SLC24A2: variants seen among roughly 807,000 people sequenced by gnomAD.
SLC24A2 encodes the protein solute carrier family 24 member 2.
SLC24A2 carries 36 observed loss-of-function variants against 62.0 expected under a neutral mutation model. The observed-to-expected ratio is 0.58, with a 90% CI of 0.44 to 0.77. SLC24A2 has a LOEUF of 0.77. Among genes scored for constraint, SLC24A2 ranks in the 30% least tolerant of loss-of-function variants. The pLI is 0.00. For missense variants in SLC24A2, 846 were observed against 817.9 expected (o/e 1.03, Z -0.42); for synonymous variants, 358 against 294.0 (o/e 1.22, Z -2.23).
chr9:20,146,987 T>G, the SLC24A2 span, among the ~76,000 whole-genome samples: 1 of 152,120 alleles, frequency 6.6e-6, no homozygotes, highest in Non-Finnish European at 1.5e-5. Flanking sequence ...CTTGATAGCA[T>G]GTGATGATAG....
At chr9:19,581,318 T>G (rs897658060) in intron 5 of SLC24A2, among the ~76,000 whole-genome samples, 2 of 152,124 alleles carry the variant, frequency 1.3e-5, no homozygotes, top group Non-Finnish European at 2.9e-5. Context: ...TCTGCAATCT[T>G]AAAATGGGGA....
chr9:19,598,901 A>G (rs2132904695), intron 4 of SLC24A2, among the ~76,000 whole-genome samples: 1 of 152,260 alleles, frequency 6.6e-6, no homozygotes, highest in Admixed American at 6.5e-5. Flanking sequence ...CTGTTTTGTG[A>G]CCTCTCTTCC....
At chr9:20,011,132 G>T in the SLC24A2 span, among the ~76,000 whole-genome samples, 1 of 152,094 alleles carries the variant, frequency 6.6e-6, no homozygotes, top group African/African-American at 2.4e-5. Context: ...TCCAGTAATG[G>T]GATGGCTGGG....
chr9:19,837,309 G>A, the SLC24A2 span, among the ~76,000 whole-genome samples: 62 of 150,910 alleles, frequency 4.1e-4, no homozygotes, highest in Middle Eastern at 0.014. Flanking sequence ...AAAATTAGCC[G>A]GGTGCGGTGG....
chr9:20,009,383 C>CAA, the SLC24A2 span, among the ~76,000 whole-genome samples: 525 of 111,980 alleles, frequency 4.7e-3, 4 homozygotes, highest in African/African-American at 0.015. Context: ...AACTCTGTCT[C>CAA]AAAAAAAAAA....
At chr9:20,256,811 T>C in the SLC24A2 span, among the ~76,000 whole-genome samples, 1 of 152,224 alleles carries the variant, frequency 6.6e-6, no homozygotes, top group African/African-American at 2.4e-5. Context: ...CTTGTAGTTC[T>C]TTTTACTCTT....
intron 2 of SLC24A2, among the ~76,000 whole-genome samples, chr9:19,636,322 T>TTCTTTTCTTTTCCTTTCTTTTC: frequency 3.3e-5 from 1 of 30,570 alleles, no homozygotes; most frequent in Admixed American, 3.3e-4. Context: ...TTCTTTTCTT[T>TTCTTTTCTTTTCCTTTCTTTTC]CTTTCTTTCT....
In SLC24A2 at chr9:19,539,446, C is replaced by G. The variant is rs566254873; in HGVS notation, c.1479+10691G>C. On this transcript the variant is annotated intron_variant, in intron 8 of 10. Coordinates refer to ENST00000341998, the MANE Select transcript of SLC24A2 (RefSeq NM_020344.4). The stretch of plus-strand genomic sequence containing the variant: ...TTTCGAAGAACATCTTTATTTCTGC[C>G]TTCATTTCATTATGTACCCAGTAGT... Among the ~76,000 whole-genome samples, 8 of 151,804 alleles carry G rather than the reference C, an allele frequency of 5.3e-5. No individual in the cohort carries two copies. In the South Asian group the frequency reaches 1.5e-3, roughly 28 times the overall value.
chr9:19,683,496 A>G (rs1819783486), intron 2 of SLC24A2, among the ~76,000 whole-genome samples: 1 of 150,592 alleles, frequency 6.6e-6, no homozygotes, highest in African/African-American at 2.4e-5. Flanking sequence ...GGTGATCTTC[A>G]TTTCACATTC....
At chr9:20,290,000 C>T in the SLC24A2 span, among the ~76,000 whole-genome samples, 1 of 152,202 alleles carries the variant, frequency 6.6e-6, no homozygotes, top group South Asian at 2.1e-4. Flanking sequence ...GGGATGCGCA[C>T]TCCTTAAGGA....
chr9:19,805,791 T>G, the SLC24A2 span, among the ~76,000 whole-genome samples: 1 of 151,056 alleles, frequency 6.6e-6, no homozygotes, highest in Admixed American at 6.6e-5. Flanking sequence ...TAGATTCTGG[T>G]TTTGTGTGGC....
chr9:20,265,676 AC>A, the SLC24A2 span, among the ~76,000 whole-genome samples: 1 of 152,344 alleles, frequency 6.6e-6, no homozygotes, highest in East Asian at 1.9e-4. Flanking sequence ...AAATCTGGGC[AC>A]CTTCAAAAAA....
At chr9:20,094,297 C>A in the SLC24A2 span, among the ~76,000 whole-genome samples, 24 of 152,084 alleles carry the variant, frequency 1.6e-4, no homozygotes, top group Admixed American at 1.5e-3. Context: ...TCTGGAAAAC[C>A]CTTTTTTACT....
intron 2 of SLC24A2, among the ~76,000 whole-genome samples, chr9:19,759,793 C>T (rs1335454532): frequency 2.0e-5 from 3 of 152,108 alleles, no homozygotes; most frequent in African/African-American, 2.4e-5. Context: ...TCTATGTTTC[C>T]ACCATAAACC....
rs1311686788 is a variant in SLC24A2 at position 19,521,991 on chromosome 9, T to C, written c.1570-931A>G. On this transcript the variant is annotated intron_variant, in intron 9 of 10. Transcript: ENST00000341998. ...TCTCTTGAGCAATTTGTTTGTCTTC[T>C]TGGGACTTTTTAGAAAAACTTACTT... 1.2e-4 allele frequency among the ~76,000 whole-genome samples: 18 copies of C among 152,264 alleles called. No homozygotes were observed. In the East Asian group the frequency reaches 3.5e-3, roughly 29 times the overall value.
chr9:19,892,637 G>C, the SLC24A2 span, among the ~76,000 whole-genome samples: 1 of 152,070 alleles, frequency 6.6e-6, no homozygotes, highest in African/African-American at 2.4e-5. Context: ...TTACCAAGGG[G>C]CTAATGTCCA....
chr9:19,957,135 C>A, the SLC24A2 span, among the ~76,000 whole-genome samples: 2 of 152,170 alleles, frequency 1.3e-5, no homozygotes, highest in Non-Finnish European at 2.9e-5. Flanking sequence ...AAATATAATA[C>A]ATTACTGCTG....
At chr9:19,985,397 T>C in the SLC24A2 span, among the ~76,000 whole-genome samples, 3 of 152,122 alleles carry the variant, frequency 2.0e-5, no homozygotes, top group Admixed American at 1.3e-4. Context: ...GGAAATACTA[T>C]TCGGAAATAA....
At chr9:20,116,773 T>G in the SLC24A2 span, among the ~76,000 whole-genome samples, 3 of 152,148 alleles carry the variant, frequency 2.0e-5, no homozygotes, top group African/African-American at 7.2e-5. Flanking sequence ...TATTGATCAG[T>G]TCATTGACTC....
Sources: allele counts gnomAD v4.1 joint callset (sites outside exome capture counted in the v4.1 genomes callset), GRCh38; gene constraint gnomAD v4.1.1; transcripts MANE v1.5; gene names NCBI Gene and HGNC (gene_info 2026-07-23, HGNC 2026-07-21).